ERBIN: variants seen among roughly 807,000 people sequenced by gnomAD.
ERBIN encodes the protein densin-180-like protein.
In ERBIN, 60 loss-of-function variants were observed where a neutral mutation model predicts 158.4. The ratio of observed to expected loss-of-function variants is 0.38; its 90% CI spans 0.31 to 0.47. ERBIN has a LOEUF of 0.47. Among genes scored for constraint, ERBIN ranks in the 20% least tolerant of loss-of-function variants. The pLI is 0.99. For synonymous variants in ERBIN, 594 were observed against 557.2 expected (o/e 1.07, Z -0.93); for missense variants, 1,610 against 1,648.0 (o/e 0.98, Z 0.40).
chr5:65,944,776 G>A (rs1162946198), intron 1 of ERBIN, among the ~76,000 whole-genome samples: 1 of 152,046 alleles, frequency 6.6e-6, no homozygotes, highest in Admixed American at 6.6e-5. Flanking sequence ...TTGGCTATTT[G>A]TATATCTTTG....
intron 1 of ERBIN, among the ~76,000 whole-genome samples, chr5:65,946,594 A>G (rs1745776435): frequency 6.6e-6 from 1 of 152,202 alleles, no homozygotes; most frequent in Admixed American, 6.5e-5. Context: ...CCTGCTGTGA[A>G]TATTCATGTA....
chr5:65,966,804 G>T (rs902710357), intron 1 of ERBIN, among the ~76,000 whole-genome samples: 6 of 151,218 alleles, frequency 4.0e-5, no homozygotes, highest in African/African-American at 1.5e-4. Flanking sequence ...TTGTGTTGTT[G>T]CCCCTGAAGA....
At chr5:65,930,032 T>C (rs1743175456) in intron 1 of ERBIN, among the ~76,000 whole-genome samples, 1 of 152,228 alleles carries the variant, frequency 6.6e-6, no homozygotes, top group Non-Finnish European at 1.5e-5. Context: ...TATTCAGCTT[T>C]CTCTTCTGAT....
chr5:65,940,157 G>T (rs1744669287), intron 1 of ERBIN, among the ~76,000 whole-genome samples: 1 of 150,902 alleles, frequency 6.6e-6, no homozygotes, highest in African/African-American at 2.4e-5. Context: ...TCTCTGCCCG[G>T]CCGCCCATCG....
chr5:65,970,804 A>T (rs367797445), intron 1 of ERBIN, among the ~76,000 whole-genome samples: 1 of 152,064 alleles, frequency 6.6e-6, no homozygotes, highest in South Asian at 2.1e-4. Flanking sequence ...TGTGTTGCCC[A>T]GGCTGGTCTT....
intron 4 of ERBIN, among the ~76,000 whole-genome samples, chr5:66,007,285 A>G (rs1396749091): frequency 6.6e-6 from 1 of 152,180 alleles, no homozygotes; most frequent in Non-Finnish European, 1.5e-5. Context: ...AAACTATCAC[A>G]GGGACAGGGA....
chr5:66,074,892 G>T, intron 22 of ERBIN, 132 bp from the exon 23 acceptor site: 1 of 697,320 alleles, frequency 1.4e-6, no homozygotes, highest in Non-Finnish European at 2.4e-6. Context: ...AAAATAGTAA[G>T]TGGCATGGTA....
chr5:65,957,420 C>G (rs1271801853), intron 1 of ERBIN, among the ~76,000 whole-genome samples: 1 of 152,026 alleles, frequency 6.6e-6, no homozygotes. Context: ...GGTGATGACT[C>G]TTAACGAGCA....
chr5:66,061,631 C>G (rs1179279117), intron 21 of ERBIN, among the ~76,000 whole-genome samples: 2 of 152,214 alleles, frequency 1.3e-5, no homozygotes, highest in Non-Finnish European at 2.9e-5. Context: ...GCAGTTTCTT[C>G]CTAGCCTTGA....
chr5:65,956,360 T>C (rs1171700827), intron 1 of ERBIN, among the ~76,000 whole-genome samples: 1 of 151,068 alleles, frequency 6.6e-6, no homozygotes, highest in East Asian at 1.9e-4. Context: ...TCATACAGCA[T>C]TCTTTCAGGT....
intron 14 of ERBIN, 26 bp downstream of exon 14, chr5:66,028,369 A>C (rs775185985): frequency 6.3e-7 from 1 of 1,582,988 alleles, no homozygotes; most frequent in Admixed American, 1.7e-5. Flanking sequence ...TTATAAGTTA[A>C]TGGAGTTCTT....
intron 1 of ERBIN, among the ~76,000 whole-genome samples, chr5:65,940,422 G>C (rs1744744000): frequency 7.2e-6 from 1 of 139,428 alleles, no homozygotes; most frequent in Non-Finnish European, 1.5e-5. Flanking sequence ...AGGTGGGGGG[G>C]TCAGCCCCCC....
At chr5:65,964,001 A>G (rs913462298) in intron 1 of ERBIN, among the ~76,000 whole-genome samples, 1 of 152,032 alleles carries the variant, frequency 6.6e-6, no homozygotes, top group African/African-American at 2.4e-5. Flanking sequence ...GGGTTTCACC[A>G]TGTTAGCCAG....
chr5:66,025,507 A>C lies in ERBIN; in HGVS notation c.845A>C (p.Lys282Thr). 1.2e-6 allele frequency: 2 copies of C among 1,612,494 alleles called. No homozygotes were observed. The highest frequency in any genetic ancestry group is 1.7e-6 in the Non-Finnish European group (2 of 1,178,868). The change falls in exon 11 of 26, where the codon AAA (lysine) becomes ACA (threonine). Residue 282 changes from lysine to threonine, a missense_variant. Physicochemically the swap from Lys to Thr is moderately conservative, Grantham distance 78 (BLOSUM62 -1). This residue lies in a region of ERBIN where 596 missense variants were observed against 711.9 expected (regional missense o/e 0.84). Coordinates refer to ENST00000284037, the MANE Select transcript of ERBIN (RefSeq NM_001253697.2). Reference sequence around the variant, plus strand: ...TCGTTGAAGAATATAACAACGCTTAAAATAGATGAAAACCAGTTAATGTAT... The same window carrying C: ...TCGTTGAAGAATATAACAACGCTTACAATAGATGAAAACCAGTTAATGTAT... ...IGSLKNITTL[K>T]IDENQLMYLP...
intron 4 of ERBIN, among the ~76,000 whole-genome samples, chr5:66,007,563 A>G (rs1422805017): frequency 2.0e-5 from 3 of 151,254 alleles, no homozygotes; most frequent in Non-Finnish European, 4.4e-5. Context: ...AAAAAAAAGA[A>G]TGAGCCCTGG....
At position 66,074,999 on chromosome 5, in the gene ERBIN, T is replaced by C; in HGVS notation, c.3757-25T>C. 2.5e-6 allele frequency: 4 copies of C among 1,605,898 alleles called. No homozygotes were observed. The South Asian group carries it at 4.4e-5, about 18-fold the overall frequency. On this transcript the variant is annotated intron_variant, in intron 22 of 25. Transcript: ENST00000284037. ...AAATAAGACATTATTATTGGTCATTTTAAGATACTTCATGTTTTTCTTAGA... is the reference window on the plus strand; with the variant it reads ...AAATAAGACATTATTATTGGTCATTCTAAGATACTTCATGTTTTTCTTAGA...
Position 65,985,931 on chromosome 5 carries a change from C to CT in ERBIN, c.-57-2693dup, listed in dbSNP as rs955193294. ...GTTGATAACATCTTCCTCCTTGAAA[C>CT]TTTTTTTTTTTCCGCCTGGCGTTTA... On this transcript the variant is annotated intron_variant, in intron 1 of 25. Coordinates refer to ENST00000284037, the MANE Select transcript of ERBIN (RefSeq NM_001253697.2). Among the ~76,000 whole-genome samples the CT allele has an allele frequency of 4.5e-3, 662 of 148,016 alleles. 5 individuals carry two copies. The highest frequency in any genetic ancestry group is 0.015 in the African/African-American group (591 of 40,546).
chr5:65,992,834 A>C lies in ERBIN; in HGVS notation c.116A>C (p.Lys39Thr). 2 of 1,613,638 alleles carry C rather than the reference A, an allele frequency of 1.2e-6. No individual in the cohort carries two copies. The highest frequency in any genetic ancestry group is 1.7e-6 in the Non-Finnish European group (2 of 1,179,780). Residue 39 changes from lysine (K) to threonine (T), a missense_variant, in exon 3 of 26, where the codon AAA becomes ACA. By Grantham distance (78) the Lys-to-Thr change is moderately conservative. This residue lies in a region of ERBIN where 596 missense variants were observed against 711.9 expected (regional missense o/e 0.84). Transcript: ENST00000284037. ...YSHCSLEQVP[K>T]EIFTFEKTLE... The stretch of plus-strand genomic sequence containing the variant: ...CATTGCAGCTTAGAACAAGTTCCGA[A>C]AGAGATTTTTACTTTTGAAAAAACC...
chr5:65,940,484 C>CCT, intron 1 of ERBIN, among the ~76,000 whole-genome samples: 1 of 132,248 alleles, frequency 7.6e-6, no homozygotes, highest in Admixed American at 7.0e-5. Context: ...AGTCCCCCCC[C>CCT]CCCCGGCCAG....
Sources: allele counts gnomAD v4.1 joint callset (sites outside exome capture counted in the v4.1 genomes callset), GRCh38; gene constraint gnomAD v4.1.1; regional missense constraint gnomAD v4.1.1; transcripts MANE v1.5; gene names NCBI Gene and HGNC (gene_info 2026-07-23, HGNC 2026-07-21).